Variants in TRANK1 observed in about 807,000 individuals in gnomAD.
The protein encoded by TRANK1 is TPR and ankyrin repeat-containing protein 1.
TRANK1 carries 198 observed loss-of-function variants against 266.0 expected under a neutral mutation model. That is an observed-to-expected ratio of 0.74 (90% confidence interval 0.66 to 0.84). The LOEUF (loss-of-function observed/expected upper bound fraction) is 0.84, where lower values mean the gene tolerates loss of function less well. TRANK1 is among the 40% of genes least tolerant of loss of function. TRANK1 has a pLI of 0.00. For synonymous variants in TRANK1, 1,396 were observed against 1,384.1 expected (o/e 1.01, Z -0.19); for missense variants, 3,326 against 3,634.6 (o/e 0.92, Z 2.18).
At position 36,873,194 on chromosome 3, in the gene TRANK1, C is replaced by A. The variant is rs77344916; in HGVS notation, c.1078+932G>T. 1.2e-4 allele frequency among the ~76,000 whole-genome samples: 18 copies of A among 152,194 alleles called. No homozygotes were observed. The East Asian group carries it at 3.3e-3, about 28-fold the overall frequency. ...AACTTACTATTGAAGAAATACAATGCCTATATTCAGACAAATTATCCATCA... is the reference window on the plus strand; with the variant it reads ...AACTTACTATTGAAGAAATACAATGACTATATTCAGACAAATTATCCATCA... On this transcript the variant is annotated intron_variant, in intron 9 of 23. Transcript: ENST00000645898.
chr3:36,867,900 G>A (rs908318212), intron 9 of TRANK1, among the ~76,000 whole-genome samples: 1 of 152,220 alleles, frequency 6.6e-6, no homozygotes, highest in Non-Finnish European at 1.5e-5. Context: ...GAGTTTGCAC[G>A]TTCTTCCCAT....
intron 1 of TRANK1, among the ~76,000 whole-genome samples, chr3:36,921,426 A>G (rs905580704): frequency 1.3e-5 from 2 of 152,210 alleles, no homozygotes; most frequent in Admixed American, 1.3e-4. Context: ...TCCTTGCGGC[A>G]CCGAAAATTT....
intron 3 of TRANK1, 57 bp from the exon 4 acceptor site, chr3:36,899,316 T>C (rs1429245517): frequency 1.3e-6 from 2 of 1,493,068 alleles, no homozygotes; most frequent in East Asian, 5.0e-5. Flanking sequence ...AACCTGCTGG[T>C]GAAAGAAAAA....
intron 1 of TRANK1, among the ~76,000 whole-genome samples, chr3:36,935,576 G>A (rs890282142): frequency 4.6e-5 from 7 of 150,594 alleles, no homozygotes; most frequent in East Asian, 3.9e-4. Flanking sequence ...TCAGCCTCCC[G>A]AGTAGCTGGG....
chr3:36,856,744 G>A lies in TRANK1; in HGVS notation c.2978C>T (p.Pro993Leu). The change falls in exon 13 of 24, where the codon CCT (proline) becomes CTT (leucine). Residue 993 changes from proline to leucine, a missense_variant. Transcript: ENST00000645898. ...CTCTGTGTCCTCCACATAGCAGCGA[G>A]GTATACGCTTTTGAATTTTCATGTT... The part of the protein sequence containing the change: ...SANMKIQKRI[P>L]RCYVEDTEAE... 4 of 1,613,998 alleles carry A rather than the reference G, an allele frequency of 2.5e-6. No individual in the cohort carries two copies. Among genetic ancestry groups the A allele is most frequent in the Non-Finnish European group, 3.4e-6 (4 of 1,179,900 alleles).
intron 1 of TRANK1, among the ~76,000 whole-genome samples, chr3:36,931,735 G>T (rs1438441397): frequency 6.6e-6 from 1 of 152,110 alleles, no homozygotes; most frequent in African/African-American, 2.4e-5. Flanking sequence ...ATATACATTT[G>T]CATTTGCTTA....
chr3:36,828,047 G>A lies in TRANK1; in HGVS notation c.*228C>T, dbSNP rs957494378. Reference sequence around the variant, plus strand: ...TTCTCTACCTGAATTTGTTTGTGGGGGAAACTAATACTGCCAGACTCTACT... The same window carrying A: ...TTCTCTACCTGAATTTGTTTGTGGGAGAAACTAATACTGCCAGACTCTACT... On this transcript the variant is annotated 3_prime_UTR_variant, in exon 24 of 24. Transcript: ENST00000645898. 14 of 488,510 alleles carry A rather than the reference G, an allele frequency of 2.9e-5. No individual in the cohort carries two copies. Among genetic ancestry groups the A allele is most frequent in the Admixed American group, 1.7e-4 (5 of 29,636 alleles). The allele number at this position is 488,510 out of a possible 1,614,324, so 30.3% of individuals were successfully genotyped here.
chr3:36,901,487 C>T (rs2079882270), intron 3 of TRANK1, among the ~76,000 whole-genome samples: 1 of 152,118 alleles, frequency 6.6e-6, no homozygotes, highest in African/African-American at 2.4e-5. Context: ...ATTTATTATT[C>T]TTTATTAAAA....
rs373399207 is a variant in TRANK1 at position 36,857,903 on chromosome 3, C to A, written c.1819G>T (p.Val607Leu). 1 of 1,610,280 alleles carries A rather than the reference C, an allele frequency of 6.2e-7. No individual in the cohort carries two copies. The highest frequency in any genetic ancestry group is 8.5e-7 in the Non-Finnish European group (1 of 1,179,878). ...ILFQKGMLKR[V>L]KKLLDLLVKF... The stretch of plus-strand genomic sequence containing the variant: ...ACCAGCAGGTCTAACAGCTTCTTCA[C>A]GCGCTTTAGCATGCCCTTCTGGAAG... The change falls in exon 13 of 24, where the codon GTG (valine) becomes TTG (leucine). Residue 607 changes from valine (V) to leucine (L), a missense_variant. Transcript: ENST00000645898. This position sits in a 1 kb window ranked among gnomAD's most constrained non-coding sequence, Gnocchi z 4.3.
At chr3:36,874,525 C>T (rs759348660) in intron 8 of TRANK1, among the ~76,000 whole-genome samples, 5 of 152,058 alleles carry the variant, frequency 3.3e-5, no homozygotes, top group Non-Finnish European at 5.9e-5. Flanking sequence ...TTCAGAAGTG[C>T]GCTCCTCTCT....
intron 18 of TRANK1, among the ~76,000 whole-genome samples, chr3:36,838,941 G>A (rs756178307): frequency 3.3e-5 from 5 of 152,180 alleles, no homozygotes; most frequent in Admixed American, 2.6e-4. Context: ...AGCACCCGTC[G>A]AAAAGGTACA....
At chr3:36,864,177 G>T in intron 10 of TRANK1, 142 bp downstream of exon 10, 1 of 952,848 alleles carries the variant, frequency 1.0e-6, no homozygotes, top group Non-Finnish European at 1.4e-6. Context: ...TTACACCAAA[G>T]AATGCTCTGT....
intron 1 of TRANK1, among the ~76,000 whole-genome samples, chr3:36,916,752 A>G (rs2080129632): frequency 6.6e-6 from 1 of 151,992 alleles, no homozygotes; most frequent in African/African-American, 2.4e-5. Context: ...TTTACTTTGC[A>G]TTACAGAAAC....
At chr3:36,875,576 C>T (rs1187533605) in intron 8 of TRANK1, among the ~76,000 whole-genome samples, 2 of 152,172 alleles carry the variant, frequency 1.3e-5, no homozygotes, top group East Asian at 1.9e-4. Context: ...ACTCTACTGA[C>T]GTATAATAAA....
At chr3:36,927,556 A>G (rs1000657719) in intron 1 of TRANK1, among the ~76,000 whole-genome samples, 4 of 152,136 alleles carry the variant, frequency 2.6e-5, no homozygotes, top group African/African-American at 9.7e-5. Context: ...AATCCCCGGC[A>G]AGACTTTGTC....
chr3:36,829,493 C>G, intron 23 of TRANK1, 71 bp downstream of exon 23: 1 of 1,515,022 alleles, frequency 6.6e-7, no homozygotes, highest in South Asian at 1.1e-5. Flanking sequence ...TCAGATTCCC[C>G]CCGGGAGCCA....
intron 9 of TRANK1, among the ~76,000 whole-genome samples, chr3:36,871,797 G>C (rs2079313996): frequency 6.6e-6 from 1 of 152,078 alleles, no homozygotes; most frequent in South Asian, 2.1e-4. Flanking sequence ...GGAGTCAAGG[G>C]AGAAGTGTTT....
At chr3:36,828,604 G>C (rs907817422) in intron 23 of TRANK1, among the ~76,000 whole-genome samples, 22 of 152,236 alleles carry the variant, frequency 1.4e-4, no homozygotes, top group African/African-American at 5.1e-4. Context: ...TTTCTGCCAG[G>C]GTTCCAGAGA....
Position 36,893,862 on chromosome 3 carries a change from A to G in TRANK1, c.553-878T>C, listed in dbSNP as rs114931152. On this transcript the variant is annotated intron_variant, in intron 5 of 23. Transcript: ENST00000645898. ...GAGCCCATGGCCACATCTCACTTCT[A>G]GTTTCTTTCAGATTGATACCCATTC... Among the ~76,000 whole-genome samples the G allele has an allele frequency of 3.2e-3, 478 of 150,754 alleles. 2 individuals are homozygous for G. Among genetic ancestry groups the G allele is most frequent in the African/African-American group, 0.011 (456 of 40,962 alleles).
Sources: gnomAD v4.1 joint callset for allele counts (sites outside exome capture counted in the v4.1 genomes callset) on GRCh38, gnomAD v4.1.1 for gene constraint, Gnocchi (gnomAD v3.1) non-coding constraint, MANE v1.5 for transcripts, NCBI Gene and HGNC (gene_info 2026-07-23, HGNC 2026-07-21) for gene names.